Variants in ANK1 observed in about 807,000 individuals in gnomAD.
ANK1 encodes the protein ankyrin-1.
In ANK1, 51 loss-of-function variants were observed where a neutral mutation model predicts 210.4. The ratio of observed to expected loss-of-function variants is 0.24; its 90% CI spans 0.19 to 0.31. ANK1 has a LOEUF of 0.31. ANK1 is among the 10% of genes least tolerant of loss of function. The pLI, the probability that ANK1 is intolerant of heterozygous loss-of-function variation, is 1.00. For synonymous variants in ANK1, 967 were observed against 1,025.9 expected, an observed-to-expected ratio of 0.94 and a Z score of 1.10; for missense variants, 2,051 against 2,504.4, an observed-to-expected ratio of 0.82 and a Z score of 3.86.
At chr8:41,850,521 C>T (rs1422143731) in intron 1 of ANK1, among the ~76,000 whole-genome samples, 2 of 152,232 alleles carry the variant, frequency 1.3e-5, no homozygotes, top group African/African-American at 2.4e-5. Context: ...TGCTTTGTCA[C>T]CCAAGCTGGA....
intron 1 of ANK1, among the ~76,000 whole-genome samples, chr8:41,887,167 T>TCTG (rs1254915876): frequency 6.6e-6 from 1 of 151,886 alleles, no homozygotes; most frequent in Admixed American, 6.6e-5. Flanking sequence ...TGGGGCGTCC[T>TCTG]CTGCTTTTTC....
At chr8:41,782,701 A>T (rs979613896) in intron 1 of ANK1, among the ~76,000 whole-genome samples, 1 of 152,224 alleles carries the variant, frequency 6.6e-6, no homozygotes, top group African/African-American at 2.4e-5. Context: ...ATCACATTGC[A>T]TACATTAATG....
chr8:41,875,804 T>C (rs149786399), intron 1 of ANK1, among the ~76,000 whole-genome samples: 10 of 152,310 alleles, frequency 6.6e-5, no homozygotes, highest in Admixed American at 2.0e-4. Flanking sequence ...TCTTGCTTTT[T>C]TCCTCTTGGC....
chr8:41,806,431 C>A (rs185363144), intron 1 of ANK1, among the ~76,000 whole-genome samples: 4 of 152,246 alleles, frequency 2.6e-5, no homozygotes, highest in Admixed American at 2.6e-4. Flanking sequence ...AAAAGCAGCA[C>A]AGGCCAGGTG....
intron 1 of ANK1, among the ~76,000 whole-genome samples, chr8:41,871,551 G>T (rs193093872): frequency 1.3e-3 from 201 of 152,244 alleles, no homozygotes; most frequent in Non-Finnish European, 2.4e-3. Context: ...AGATCGGGGG[G>T]CGATGTTTCC....
At chr8:41,673,681 G>A (rs1813229578) in intron 37 of ANK1, among the ~76,000 whole-genome samples, 1 of 152,222 alleles carries the variant, frequency 6.6e-6, no homozygotes, top group African/African-American at 2.4e-5. Flanking sequence ...GCTTGTCCCA[G>A]CTGCAGGTCA....
At chr8:41,872,313 C>T (rs1277114930) in intron 1 of ANK1, among the ~76,000 whole-genome samples, 1 of 152,212 alleles carries the variant, frequency 6.6e-6, no homozygotes, top group Non-Finnish European at 1.5e-5. Flanking sequence ...TGTCCAGCCG[C>T]CCACCCCAGG....
intron 33 of ANK1, 21 bp downstream of exon 33, chr8:41,690,206 C>T: frequency 6.2e-7 from 1 of 1,614,104 alleles, no homozygotes; most frequent in Non-Finnish European, 8.5e-7. Flanking sequence ...GGCCAAGGCT[C>T]CTCGGCAGGT....
intron 39 of ANK1, 119 bp downstream of exon 39, chr8:41,668,148 G>C: frequency 7.1e-7 from 1 of 1,413,044 alleles, no homozygotes; most frequent in Non-Finnish European, 9.9e-7. Context: ...CACCACAAGT[G>C]TTAAAGGAAG....
Position 41,694,942 on chromosome 8 carries a change from A to G in ANK1, c.3116-139T>C. On this transcript the variant is annotated intron_variant, in intron 27 of 42. Coordinates refer to ENST00000289734, the MANE Select transcript of ANK1 (RefSeq NM_000037.4). This position sits in a 1 kb window ranked among gnomAD's most constrained non-coding sequence, Gnocchi z 5.7. ...TGCCGGGCGGCATAGTGGCCAGAAG[A>G]AGTGGCCAGAAGAAGTGCCCAGGCC... 2 of 1,076,502 alleles carry G rather than the reference A, an allele frequency of 1.9e-6. No individual in the cohort carries two copies. The highest frequency in any genetic ancestry group is 2.8e-6 in the Non-Finnish European group (2 of 717,990). 66.7% of individuals were successfully genotyped at this position (1,076,502 alleles called of 1,614,324 possible). A position where few individuals can be genotyped will look rare whatever the true frequency, so the allele number is the denominator to read the frequency against.
intron 1 of ANK1, among the ~76,000 whole-genome samples, chr8:41,857,754 G>A (rs1192232146): frequency 4.3e-5 from 6 of 141,120 alleles, no homozygotes; most frequent in Admixed American, 6.9e-5. Context: ...AAAAAAAAAC[G>A]TTGGCCAGGT....
At chr8:41,685,939 G>A (rs1817572008) in intron 36 of ANK1, among the ~76,000 whole-genome samples, 3 of 152,218 alleles carry the variant, frequency 2.0e-5, no homozygotes, top group Admixed American at 2.0e-4. Flanking sequence ...TTATTCCAAG[G>A]ATGTGAGAAA....
Position 41,693,962 on chromosome 8 carries a change from G to A in ANK1, c.3468C>T (p.Thr1156=), listed in dbSNP as rs372816206. The A allele has an allele frequency of 3.4e-5, 55 of 1,613,946 alleles. No individual in the cohort carries two copies. In the South Asian group the frequency reaches 5.4e-4, roughly 16 times the overall value. Reference sequence around the variant, plus strand: ...CCTCCCCGCTGTCCCTCGGGTTGTCGGTCCAGGAAGGAGGTAGTGGGATCC... The same window carrying A: ...CCTCCCCGCTGTCCCTCGGGTTGTCAGTCCAGGAAGGAGGTAGTGGGATCC... ...GLRIPLPPSW[T]DNPRDSGEGD... is the part of the protein sequence containing the mutation. Residue 1156 remains threonine, a synonymous_variant, in exon 29 of 43, where the codon ACC becomes ACT. Transcript: ENST00000289734.
At chr8:41,877,691 G>A (rs11786879) in intron 1 of ANK1, among the ~76,000 whole-genome samples, 23,769 of 152,256 alleles carry the variant, frequency 0.16, 1,969 homozygotes, top group South Asian at 0.26. Flanking sequence ...ACAAAATGAT[G>A]CGATAGAGCA....
At chr8:41,764,349 C>A (rs1841264785) in intron 1 of ANK1, among the ~76,000 whole-genome samples, 1 of 152,194 alleles carries the variant, frequency 6.6e-6, no homozygotes, top group Non-Finnish European at 1.5e-5. Context: ...AATGACCTGT[C>A]CTCAGTACAT....
chr8:41,791,809 T>C (rs933005361), intron 1 of ANK1, among the ~76,000 whole-genome samples: 2 of 152,132 alleles, frequency 1.3e-5, no homozygotes, highest in Non-Finnish European at 2.9e-5. Flanking sequence ...AATAACACCC[T>C]GGGGGAGGGC....
intron 1 of ANK1, among the ~76,000 whole-genome samples, chr8:41,835,215 C>T (rs1258393177): frequency 1.3e-5 from 2 of 152,148 alleles, no homozygotes; most frequent in Non-Finnish European, 2.9e-5. Context: ...CACTTTGGGA[C>T]GCTGAGGCAG....
intron 39 of ANK1, chr8:41,664,676 G>T (rs932398419): frequency 2.2e-6 from 2 of 908,422 alleles, no homozygotes; most frequent in Admixed American, 2.1e-5. Flanking sequence ...TGATCCCTGG[G>T]GGCCTCCTGG....
chr8:41,690,726 T>C (rs942484779), intron 31 of ANK1, 127 bp from the exon 32 acceptor site: 1 of 1,436,250 alleles, frequency 7.0e-7, no homozygotes, highest in Admixed American at 1.7e-5. Context: ...GGGTGTGTGC[T>C]GAGAAATCCA....
Sources: gnomAD v4.1 joint callset for allele counts (sites outside exome capture counted in the v4.1 genomes callset) on GRCh38, gnomAD v4.1.1 for gene constraint, Gnocchi (gnomAD v3.1) non-coding constraint, MANE v1.5 for transcripts, NCBI Gene and HGNC (gene_info 2026-07-23, HGNC 2026-07-21) for gene names.